GSK3B: variants seen among roughly 807,000 people sequenced by gnomAD.
GSK3B encodes the protein glycogen synthase kinase 3 beta.
Under a neutral mutation model 56.4 loss-of-function variants are expected in GSK3B, and 15 were observed. The observed-to-expected ratio is 0.27, with a 90% confidence interval of 0.18 to 0.41. GSK3B has a LOEUF of 0.41. Ranked by LOEUF, GSK3B falls within the 10% of genes least tolerant of loss-of-function variation. The pLI, the probability that GSK3B is intolerant of heterozygous loss-of-function variation, is 1.00. For missense variants in GSK3B, 300 were observed against 513.4 expected, an observed-to-expected ratio of 0.58 and a Z score of 4.02; for synonymous variants, 181 against 188.9, an observed-to-expected ratio of 0.96 and a Z score of 0.34.
chr3:119,884,298 T>C (rs991674109), intron 7 of GSK3B, among the ~76,000 whole-genome samples: 1 of 152,158 alleles, frequency 6.6e-6, no homozygotes, highest in African/African-American at 2.4e-5. Flanking sequence ...GTTTCCTTTC[T>C]GATCTTGCTG....
In GSK3B at chr3:119,928,795, A is replaced by G. The variant is rs562901399; in HGVS notation, c.367-5312T>C. Among the ~76,000 whole-genome samples the G allele has an allele frequency of 8.5e-5, 13 of 152,192 alleles. 1 individual carries two copies. The East Asian group carries it at 2.5e-3, about 29-fold the overall frequency. On this transcript the variant is annotated intron_variant, in intron 3 of 10. Coordinates refer to ENST00000264235, the MANE Select transcript of GSK3B (RefSeq NM_001146156.2). ...TTCTGTTACTAGGAGTTATGTAACT[A>G]TGAGCAAGTTATTTAACCTCTCTAA...
rs1047860956 is a variant in GSK3B, at chr3:119,862,043, T to C, written c.1096+1376A>G. ...TCAAGACACACATATTTATATCTAA[T>C]GTGCTGGGCAAACATAAGATTTTAA... On this transcript the variant is annotated intron_variant, in intron 9 of 10. Transcript: ENST00000264235. Among the ~76,000 whole-genome samples the C allele has an allele frequency of 5.9e-5, 9 of 151,842 alleles. No individual in the cohort carries two copies. The East Asian group carries it at 1.4e-3, about 23-fold the overall frequency.
intron 9 of GSK3B, among the ~76,000 whole-genome samples, chr3:119,854,096 A>G (rs977306626): frequency 1.3e-5 from 2 of 152,224 alleles, no homozygotes; most frequent in Admixed American, 1.3e-4. Flanking sequence ...ACGTCCCATC[A>G]ATACCTAGTT....
intron 1 of GSK3B, among the ~76,000 whole-genome samples, chr3:120,055,310 T>G (rs948501254): frequency 1.5e-4 from 23 of 152,180 alleles, no homozygotes; most frequent in Admixed American, 8.5e-4. Flanking sequence ...TTAACAATGG[T>G]GCAGGAATGT....
At chr3:120,061,248 T>C (rs543916579) in intron 1 of GSK3B, among the ~76,000 whole-genome samples, 114 of 152,336 alleles carry the variant, frequency 7.5e-4, no homozygotes, top group Middle Eastern at 3.4e-3. Flanking sequence ...AAAAAATAAC[T>C]TAGGTTTCTT....
At chr3:120,036,792 C>CAAAAAAAAAAAAAAAAAA (rs560163237) in intron 1 of GSK3B, among the ~76,000 whole-genome samples, 1 of 64,336 alleles carries the variant, frequency 1.6e-5, no homozygotes, top group Non-Finnish European at 3.1e-5. Flanking sequence ...GACTCCGACT[C>CAAAAAAAAAAAAAAAAAA]AAAAAAAAAA....
chr3:119,866,003 GAT>G (rs2056178804), intron 8 of GSK3B, among the ~76,000 whole-genome samples: 2 of 152,252 alleles, frequency 1.3e-5, no homozygotes, highest in African/African-American at 4.8e-5. Context: ...ACCCTTGAGA[GAT>G]TCTTGATGAG....
chr3:120,055,801 AGGGTAG>A (rs1479070525), intron 1 of GSK3B, among the ~76,000 whole-genome samples: 1 of 152,148 alleles, frequency 6.6e-6, no homozygotes, highest in Non-Finnish European at 1.5e-5. Flanking sequence ...CCAATTGGAG[AGGGTAG>A]GCAGGAGAGG....
chr3:119,873,114 CA>C (rs2056268464), intron 8 of GSK3B, among the ~76,000 whole-genome samples: 1 of 152,104 alleles, frequency 6.6e-6, no homozygotes, highest in Non-Finnish European at 1.5e-5. Flanking sequence ...ACTAAAGCCA[CA>C]AGTGCTTTAT....
chr3:119,986,315 A>G (rs986368278), intron 2 of GSK3B, among the ~76,000 whole-genome samples: 1 of 152,234 alleles, frequency 6.6e-6, no homozygotes, highest in African/African-American at 2.4e-5. Context: ...CAATGGCAAC[A>G]AAAGCCAAAA....
intron 3 of GSK3B, among the ~76,000 whole-genome samples, chr3:119,930,814 T>G (rs1041400390): frequency 1.3e-5 from 2 of 152,212 alleles, no homozygotes; most frequent in African/African-American, 4.8e-5. Context: ...ATGAAGATAA[T>G]TCCACTCTAC....
At chr3:119,971,626 T>C (rs2057367582) in intron 2 of GSK3B, among the ~76,000 whole-genome samples, 1 of 139,034 alleles carries the variant, frequency 7.2e-6, no homozygotes, top group Non-Finnish European at 1.5e-5. Flanking sequence ...TTTTTTTTTT[T>C]TTTGAGACGG....
intron 3 of GSK3B, among the ~76,000 whole-genome samples, chr3:119,933,753 T>C (rs1185911563): frequency 3.3e-5 from 5 of 152,182 alleles, no homozygotes; most frequent in African/African-American, 1.2e-4. Flanking sequence ...GGCAGACGCC[T>C]GTAATCCCAG....
At chr3:119,984,765 G>A (rs908341820) in intron 2 of GSK3B, among the ~76,000 whole-genome samples, 6 of 150,912 alleles carry the variant, frequency 4.0e-5, no homozygotes, top group Non-Finnish European at 8.9e-5. Flanking sequence ...GAGGTACAAA[G>A]AGGAGCTGGC....
chr3:120,082,805 T>C (rs2107579015), intron 1 of GSK3B, among the ~76,000 whole-genome samples: 1 of 152,338 alleles, frequency 6.6e-6, no homozygotes, highest in South Asian at 2.1e-4. Context: ...TACATCTTGA[T>C]ATATTATTAG....
chr3:119,875,554 T>G (rs958141290), intron 8 of GSK3B, among the ~76,000 whole-genome samples: 1 of 148,608 alleles, frequency 6.7e-6, no homozygotes, highest in African/African-American at 2.5e-5. Flanking sequence ...CACAGAAGTT[T>G]AATCCCGGCT....
At chr3:119,880,226 T>C (rs1439223471) in intron 7 of GSK3B, among the ~76,000 whole-genome samples, 1 of 152,238 alleles carries the variant, frequency 6.6e-6, no homozygotes, top group Non-Finnish European at 1.5e-5. Context: ...ATCAATGATG[T>C]TGAGCACCTC....
At chr3:120,070,348 A>G (rs1295818822) in intron 1 of GSK3B, among the ~76,000 whole-genome samples, 3 of 152,232 alleles carry the variant, frequency 2.0e-5, no homozygotes, top group Non-Finnish European at 4.4e-5. Context: ...ACTGCTAATA[A>G]TAACAGCAGC....
chr3:119,836,325 G>C (rs1042343361), intron 10 of GSK3B, among the ~76,000 whole-genome samples: 2 of 152,110 alleles, frequency 1.3e-5, no homozygotes, highest in African/African-American at 4.8e-5. Flanking sequence ...TGCAGACCAC[G>C]TAAAATGACA....
Sources: gnomAD v4.1 joint callset for allele counts (sites outside exome capture counted in the v4.1 genomes callset) on GRCh38, gnomAD v4.1.1 for gene constraint, MANE v1.5 for transcripts, NCBI Gene and HGNC (gene_info 2026-07-23, HGNC 2026-07-21) for gene names.